MYO18A: variants seen among roughly 807,000 people sequenced by gnomAD.
The protein encoded by MYO18A is myosin XVIIIA, also known as unconventional myosin-XVIIIa.
Under a neutral mutation model 235.8 loss-of-function variants are expected in MYO18A, and 78 were observed. The observed-to-expected ratio is 0.33, with a 90% confidence interval of 0.28 to 0.40. The LOEUF (loss-of-function observed/expected upper bound fraction) is 0.40. Among genes scored for constraint, MYO18A ranks in the 10% least tolerant of loss-of-function variants. The pLI is 1.00. For synonymous variants in MYO18A, 977 were observed against 1,077.8 expected (o/e 0.91, Z 1.83); for missense variants, 2,215 against 2,699.3 (o/e 0.82, Z 3.98).
chr17:29,090,331 C>T (rs1045756183), intron 36 of MYO18A, among the ~76,000 whole-genome samples: 6 of 152,192 alleles, frequency 3.9e-5, no homozygotes, highest in Admixed American at 3.3e-4. Context: ...AGAGGGAATA[C>T]AGATGGGAAA....
chr17:29,074,622 G>A lies in MYO18A; in HGVS notation c.*148C>T, dbSNP rs1187883110. 9 of 827,854 alleles carry A rather than the reference G, an allele frequency of 1.1e-5. No homozygotes were observed. Among genetic ancestry groups the A allele is most frequent in the Non-Finnish European group, 1.4e-5 (7 of 512,650 alleles). The allele number at this position is 827,854 out of a possible 1,614,324, so 51.3% of individuals were successfully genotyped here. ...GGAGACATCAGACACCCATAGCCTG[G>A]AAAGTGCCCCTGACAGAAGAAGGTC... On this transcript the variant is annotated 3_prime_UTR_variant, in exon 42 of 42. Coordinates refer to ENST00000527372, the MANE Select transcript of MYO18A (RefSeq NM_078471.4). This position sits in a 1 kb window ranked among gnomAD's most constrained non-coding sequence, Gnocchi z 4.4.
intron 13 of MYO18A, 86 bp downstream of exon 13, chr17:29,115,265 G>A (rs770692496): frequency 7.5e-5 from 113 of 1,507,298 alleles, no homozygotes; most frequent in East Asian, 3.0e-4. Flanking sequence ...GGAAGAGACC[G>A]GCTCTGCCTC....
chr17:29,072,162 T>C lies in MYO18A; in HGVS notation c.*2608A>G, dbSNP rs1469028702. 1.4e-5 allele frequency: 2 copies of C among 141,408 alleles called. No individual in the cohort carries two copies. Among genetic ancestry groups the C allele is most frequent in the Admixed American group, 1.5e-4 (2 of 13,698 alleles). The allele number at this position is 141,408 out of a possible 1,614,324, so 8.8% of individuals were successfully genotyped here. ...GTACCACGCTATGTGAAAACAGGAATAAAAGATGAGAGTGACAGAACTGAA... is the reference window on the plus strand; with the variant it reads ...GTACCACGCTATGTGAAAACAGGAACAAAAGATGAGAGTGACAGAACTGAA... On this transcript the variant is annotated 3_prime_UTR_variant, in exon 42 of 42. Coordinates refer to ENST00000527372, the MANE Select transcript of MYO18A (RefSeq NM_078471.4).
intron 2 of MYO18A, among the ~76,000 whole-genome samples, chr17:29,135,348 C>T (rs1019600506): frequency 1.3e-5 from 2 of 151,990 alleles, no homozygotes; most frequent in Admixed American, 6.5e-5. Flanking sequence ...GTGATCCACC[C>T]GCCTTGGCCT....
At chr17:29,093,220 C>T (rs891265815) in intron 32 of MYO18A, 103 bp downstream of exon 32, 1 of 1,155,046 alleles carries the variant, frequency 8.7e-7, no homozygotes, top group East Asian at 2.6e-5. Flanking sequence ...AGCACCCCCA[C>T]CCCCGACAGC....
At chr17:29,172,644 G>T (rs1270873013) in intron 1 of MYO18A, among the ~76,000 whole-genome samples, 1 of 152,152 alleles carries the variant, frequency 6.6e-6, no homozygotes, top group African/African-American at 2.4e-5. Flanking sequence ...CCTCAGAGAG[G>T]TACCTAATAG....
chr17:29,169,001 C>T (rs2068340745), intron 1 of MYO18A, among the ~76,000 whole-genome samples: 1 of 152,132 alleles, frequency 6.6e-6, no homozygotes, highest in Non-Finnish European at 1.5e-5. Flanking sequence ...AAAACCCCAT[C>T]TCTACTAAAA....
intron 2 of MYO18A, among the ~76,000 whole-genome samples, chr17:29,139,839 G>A (rs552099261): frequency 1.3e-5 from 2 of 152,280 alleles, no homozygotes; most frequent in Admixed American, 6.5e-5. Context: ...AGCGAGAAGG[G>A]TGCTCCCTGA....
At position 29,097,277 on chromosome 17, in the gene MYO18A, C is replaced by T; in HGVS notation, c.4176G>A (p.Glu1392=). 1 of 1,611,424 alleles carries T rather than the reference C, an allele frequency of 6.2e-7. No homozygotes were observed. The highest frequency in any genetic ancestry group is 1.1e-5 in the South Asian group (1 of 91,078). The change falls in exon 27 of 42, where the codon GAG becomes GAA. Residue 1392 remains glutamate, a synonymous_variant. Transcript: ENST00000527372. ...VDFTKKRLQQ[E]FEDKLEVEQQ... ...GCTCCACCTCCAGCTTGTCCTCAAACTCCTGCTGGAGCCGTTTCTTGGTGA... is the reference window on the plus strand; with the variant it reads ...GCTCCACCTCCAGCTTGTCCTCAAATTCCTGCTGGAGCCGTTTCTTGGTGA...
Position 29,094,656 on chromosome 17 carries a change from C to T in MYO18A, c.4704G>A (p.Leu1568=), listed in dbSNP as rs2066478561. Residue 1568 remains leucine, a synonymous_variant, in exon 30 of 42, where the codon CTG becomes CTA. Transcript: ENST00000527372. ...LDEQAGTIQM[L]EQAKLRLEME... ...TGGCCAAGCCCTCCTGTACCTGTTC[C>T]AGCATCTGGATGGTCCCTGCCTGCT... The T allele has an allele frequency of 6.2e-7, 1 of 1,614,060 alleles. No homozygotes were observed. Among genetic ancestry groups the T allele is most frequent in the Non-Finnish European group, 8.5e-7 (1 of 1,179,900 alleles).
rs1197293319 is a variant in MYO18A, at chr17:29,166,711, T to A, written c.230A>T (p.His77Leu). 6.2e-7 allele frequency: 1 copy of A among 1,613,804 alleles called. No homozygotes were observed. The highest frequency in any genetic ancestry group is 2.2e-5 in the East Asian group (1 of 44,864). ...ACTATCGGAGTCAATGTCAGTCAGG[T>A]GCAGGTCAGAGCCGCTGGCCACCTT... is the stretch of plus-strand genomic sequence containing the variant. ...PIKVASGSDLHLTDIDSDSNR... is the reference protein window; with the variant it reads ...PIKVASGSDLLLTDIDSDSNR... The change falls in exon 2 of 42, where the codon CAC (histidine) becomes CTC (leucine). Residue 77 changes from histidine to leucine, a missense_variant. His to Leu is a moderately conservative substitution (Grantham distance 99, BLOSUM62 -3). Transcript: ENST00000527372.
chr17:29,091,269 G>C (rs2066392359), intron 34 of MYO18A: 1 of 327,226 alleles, frequency 3.1e-6, no homozygotes, highest in Non-Finnish European at 5.9e-6. Flanking sequence ...TGGCCTGCGT[G>C]CACTCTGCCC....
chr17:29,103,129 G>GC, intron 21 of MYO18A, among the ~76,000 whole-genome samples: 1 of 152,368 alleles, frequency 6.6e-6, no homozygotes, highest in Non-Finnish European at 1.5e-5. Context: ...TGGCCTGTGG[G>GC]CAGGTGGTGG....
At chr17:29,090,429 T>C (rs2066369267) in intron 36 of MYO18A, 103 bp downstream of exon 36, 4 of 1,005,804 alleles carry the variant, frequency 4.0e-6, no homozygotes, top group East Asian at 2.6e-5. Flanking sequence ...TGTGGATTAC[T>C]GATGGCAGAG....
chr17:29,093,841 G>A (rs940376650), intron 31 of MYO18A, 139 bp downstream of exon 31: 1 of 650,226 alleles, frequency 1.5e-6, no homozygotes, highest in African/African-American at 1.8e-5. Flanking sequence ...CCAATGCTAG[G>A]ATCCCGAGAG....
intron 20 of MYO18A, among the ~76,000 whole-genome samples, chr17:29,105,572 G>A (rs1022294358): frequency 6.6e-6 from 1 of 152,188 alleles, no homozygotes; most frequent in Admixed American, 6.5e-5. Context: ...GACAGAAGGG[G>A]TACGGGAAGA....
intron 20 of MYO18A, among the ~76,000 whole-genome samples, chr17:29,104,937 T>G (rs1168653098): frequency 1.3e-5 from 2 of 151,680 alleles, no homozygotes; most frequent in Non-Finnish European, 2.9e-5. Flanking sequence ...TCCCAGCACT[T>G]TGGGAGGCTG....
At chr17:29,127,285 T>C (rs944918594) in intron 2 of MYO18A, among the ~76,000 whole-genome samples, 2 of 152,210 alleles carry the variant, frequency 1.3e-5, no homozygotes, top group African/African-American at 4.8e-5. Context: ...AATATTAATG[T>C]TTGTTACACG....
At position 29,117,912 on chromosome 17, in the gene MYO18A, A is replaced by G; in HGVS notation, c.2038+133T>C. The G allele has an allele frequency of 9.1e-7, 1 of 1,094,244 alleles. No homozygotes were observed. The highest frequency in any genetic ancestry group is 2.5e-5 in the Admixed American group (1 of 39,328). 67.8% of individuals were successfully genotyped at this position (1,094,244 alleles called of 1,614,324 possible). A position where few individuals can be genotyped will look rare whatever the true frequency, so the allele number is the denominator to read the frequency against. ...TCTGCTCTGAAGTGGGGGGCTGAGAAGAGGCACAAGCAAAAGAGGGTTGTC... is the reference window on the plus strand; with the variant it reads ...TCTGCTCTGAAGTGGGGGGCTGAGAGGAGGCACAAGCAAAAGAGGGTTGTC... On this transcript the variant is annotated intron_variant, in intron 10 of 41. Coordinates refer to ENST00000527372, the MANE Select transcript of MYO18A (RefSeq NM_078471.4). The surrounding 1 kb of genome is among the most constrained non-coding windows in gnomAD (Gnocchi z 4.6).
Sources: gnomAD v4.1 joint callset for allele counts (sites outside exome capture counted in the v4.1 genomes callset) on GRCh38, gnomAD v4.1.1 for gene constraint, Gnocchi (gnomAD v3.1) non-coding constraint, MANE v1.5 for transcripts, NCBI Gene and HGNC (gene_info 2026-07-23, HGNC 2026-07-21) for gene names.